Variants in RTN4 observed in about 807,000 individuals in gnomAD.
RTN4 encodes the protein reticulon 4, also known as reticulon-4.
RTN4 carries 32 observed loss-of-function variants against 90.4 expected under a neutral mutation model. The observed-to-expected ratio is 0.35, with a 90% CI of 0.27 to 0.48. RTN4 has a LOEUF of 0.48. Among genes scored for constraint, RTN4 ranks in the 20% least tolerant of loss-of-function variants. The pLI is 0.99. For missense variants in RTN4, 1,706 were observed against 1,430.2 expected, an observed-to-expected ratio of 1.19 and a Z score of -3.11; for synonymous variants, 629 against 552.5, an observed-to-expected ratio of 1.14 and a Z score of -1.94.
At chr2:55,040,942 TATTAAAGAAATA>T (rs1411151334) in intron 1 of RTN4, among the ~76,000 whole-genome samples, 1 of 151,744 alleles carries the variant, frequency 6.6e-6, no homozygotes, top group Non-Finnish European at 1.5e-5. Flanking sequence ...AAAAACAAGC[TATTAAAGAAATA>T]ATTATTTTTG....
intron 2 of RTN4, among the ~76,000 whole-genome samples, chr2:55,056,817 T>A (rs1482793279): frequency 6.6e-6 from 1 of 152,200 alleles, no homozygotes; most frequent in Non-Finnish European, 1.5e-5. Context: ...GCCCACTCTG[T>A]TTATTAAAGC....
chr2:55,024,045 T>C (rs965495083), intron 3 of RTN4, among the ~76,000 whole-genome samples: 4 of 152,200 alleles, frequency 2.6e-5, no homozygotes, highest in African/African-American at 4.8e-5. Context: ...CTGGATATCT[T>C]AGAGGTATGT....
At chr2:55,129,339 C>T in the RTN4 span, among the ~76,000 whole-genome samples, 1 of 151,798 alleles carries the variant, frequency 6.6e-6, no homozygotes. Flanking sequence ...TTTGGAAGGC[C>T]GAGGCAGGCA....
At chr2:55,020,709 T>C (rs1164480235) in intron 3 of RTN4, among the ~76,000 whole-genome samples, 4 of 152,162 alleles carry the variant, frequency 2.6e-5, no homozygotes, top group African/African-American at 9.7e-5. Flanking sequence ...CAAAATGTCA[T>C]TTTAAGAAAA....
At chr2:55,013,301 A>C (rs1421525297) in intron 3 of RTN4, among the ~76,000 whole-genome samples, 2 of 151,896 alleles carry the variant, frequency 1.3e-5, no homozygotes, top group Non-Finnish European at 2.9e-5. Flanking sequence ...GCAATTTCCC[A>C]CTCCTCAATG....
intron 1 of RTN4, among the ~76,000 whole-genome samples, chr2:55,110,778 T>G (rs1265975147): frequency 6.6e-6 from 1 of 152,194 alleles, no homozygotes; most frequent in Non-Finnish European, 1.5e-5. Context: ...CGGTAGCTCA[T>G]GCCTATAATC....
rs537056035 is a variant in RTN4 at position 55,086,513 on chromosome 2, T to A, written c.-213-5874A>T. On this transcript the variant is annotated intron_variant, in intron 1 of 3. Coordinates refer to the RTN4 transcript ENST00000427710. ...TAATCTCTACAAAAAAAAAAAAACA[T>A]TTAAAAATTAGCCAAGCATGGTGGT... is the stretch of plus-strand genomic sequence containing the variant. 2.6e-5 allele frequency among the ~76,000 whole-genome samples: 4 copies of A among 151,142 alleles called. 1 individual carries two copies. In the South Asian group the frequency reaches 8.4e-4, roughly 32 times the overall value.
chr2:54,973,469 T>G, intron 8 of RTN4, 94 bp downstream of exon 8: 1 of 993,366 alleles, frequency 1.0e-6, no homozygotes, highest in Non-Finnish European at 1.6e-6. Flanking sequence ...CTGATAGAGA[T>G]TTGTTACTCA....
intron 2 of RTN4, among the ~76,000 whole-genome samples, chr2:55,061,511 G>A (rs1185782744): frequency 6.6e-6 from 1 of 152,164 alleles, no homozygotes; most frequent in East Asian, 1.9e-4. Context: ...TCCAACTGAG[G>A]ACCACACATC....
intron 1 of RTN4, among the ~76,000 whole-genome samples, chr2:55,099,797 T>C (rs888901359): frequency 2.6e-5 from 4 of 152,114 alleles, no homozygotes; most frequent in African/African-American, 7.2e-5. Context: ...TAACAGTAGC[T>C]AAATATGTAG....
chr2:55,111,342 C>T (rs1668035094), intron 1 of RTN4, among the ~76,000 whole-genome samples: 1 of 152,108 alleles, frequency 6.6e-6, no homozygotes, highest in African/African-American at 2.4e-5. Context: ...AAATCTTAGG[C>T]CCAAATAGAT....
chr2:55,030,938 T>C (rs1389700492), intron 1 of RTN4, among the ~76,000 whole-genome samples: 3 of 152,160 alleles, frequency 2.0e-5, no homozygotes, highest in East Asian at 1.9e-4. Context: ...TGTAACAACA[T>C]TTATAGAAAC....
intron 5 of RTN4, among the ~76,000 whole-genome samples, chr2:54,979,593 T>C (rs1677954829): frequency 6.6e-6 from 1 of 152,226 alleles, no homozygotes; most frequent in Admixed American, 6.5e-5. Flanking sequence ...TCATATACAA[T>C]GACATTAGGA....
At chr2:55,018,982 C>T (rs1681233582) in intron 3 of RTN4, among the ~76,000 whole-genome samples, 2 of 152,020 alleles carry the variant, frequency 1.3e-5, no homozygotes, top group Non-Finnish European at 1.5e-5. Flanking sequence ...ATAAAATAGG[C>T]CTACAATATT....
intron 3 of RTN4, chr2:55,010,185 C>A (rs1316701113): frequency 6.2e-7 from 1 of 1,608,888 alleles, no homozygotes; most frequent in Non-Finnish European, 8.5e-7. Flanking sequence ...AAAGCTGTAA[C>A]TGCACAAACC....
At chr2:55,133,198 G>C in the RTN4 span, among the ~76,000 whole-genome samples, 12 of 152,284 alleles carry the variant, frequency 7.9e-5, no homozygotes, top group Admixed American at 7.8e-4. Flanking sequence ...GCAGCAGACT[G>C]AGACTCTGTC....
At chr2:55,055,479 T>C (rs1206316581), upstream of RTN4, among the ~76,000 whole-genome samples, 1 of 152,096 alleles carries the variant, frequency 6.6e-6, no homozygotes, top group Non-Finnish European at 1.5e-5. Context: ...TAAAACCAAC[T>C]GACCTTGGCC....
chr2:54,986,174 A>G (rs185265649), intron 4 of RTN4, among the ~76,000 whole-genome samples: 2 of 152,338 alleles, frequency 1.3e-5, no homozygotes, highest in East Asian at 1.9e-4. Flanking sequence ...CCTACAGTCT[A>G]TAGAGGGCCG....
chr2:55,069,303 T>G (rs1184196948), intron 2 of RTN4, among the ~76,000 whole-genome samples: 1 of 152,232 alleles, frequency 6.6e-6, no homozygotes, highest in Non-Finnish European at 1.5e-5. Context: ...ATAAAAGTAA[T>G]GCTTCTCATC....
Sources: gnomAD v4.1 joint callset for allele counts (sites outside exome capture counted in the v4.1 genomes callset) on GRCh38, gnomAD v4.1.1 for gene constraint, MANE v1.5 for transcripts, NCBI Gene and HGNC (gene_info 2026-07-23, HGNC 2026-07-21) for gene names.